RBBP4: variants seen among roughly 807,000 people sequenced by gnomAD.
The protein encoded by RBBP4 is histone-binding protein RBBP4.
In RBBP4, 3 loss-of-function variants were observed where a neutral mutation model predicts 57.2. That is an observed-to-expected ratio of 0.05 (90% CI 0.02 to 0.14). The LOEUF (loss-of-function observed/expected upper bound fraction) is 0.14, where lower values mean the gene tolerates loss of function less well. Ranked by LOEUF, RBBP4 falls within the 10% of genes least tolerant of loss-of-function variation. The pLI is 1.00. For missense variants in RBBP4, 107 were observed against 520.6 expected, an observed-to-expected ratio of 0.21 and a Z score of 7.73; for synonymous variants, 151 against 171.5, an observed-to-expected ratio of 0.88 and a Z score of 0.93.
At chr1:32,664,447 T>G (rs1039994914) in intron 3 of RBBP4, among the ~76,000 whole-genome samples, 3 of 152,140 alleles carry the variant, frequency 2.0e-5, no homozygotes, top group South Asian at 2.1e-4. Flanking sequence ...TATGCTTCTT[T>G]TTTTGTTTGT....
chr1:32,683,877 C>T lies in RBBP4; in HGVS notation c.*4172C>T. 1.2e-6 allele frequency: 1 copy of T among 803,454 alleles called. No individual in the cohort carries two copies. The highest frequency in any genetic ancestry group is 2.6e-5 in the East Asian group (1 of 38,514). 49.8% of individuals were successfully genotyped at this position (803,454 alleles called of 1,614,324 possible). A position where few individuals can be genotyped will look rare whatever the true frequency, so the allele number is the denominator to read the frequency against. ...TGAACTCCTGACTCCAGGTGATCCA[C>T]CCTCCTCAGCCTCCCAAAGTGCTAG... On this transcript the variant is annotated 3_prime_UTR_variant, in exon 12 of 12. Coordinates refer to ENST00000373493, the MANE Select transcript of RBBP4 (RefSeq NM_005610.3).
chr1:32,657,092 A>G lies in RBBP4; in HGVS notation c.165-335A>G, dbSNP rs536356089. 5.3e-5 allele frequency among the ~76,000 whole-genome samples: 8 copies of G among 152,180 alleles called. No individual in the cohort carries two copies. In the East Asian group the frequency reaches 1.2e-3, roughly 22 times the overall value. On this transcript the variant is annotated intron_variant, in intron 2 of 11. Coordinates refer to ENST00000373493, the MANE Select transcript of RBBP4 (RefSeq NM_005610.3). The stretch of plus-strand genomic sequence containing the variant: ...GGCGTTCGAGACCAGCCTGGCCAAC[A>G]TGGTGAAATCCCGTCTCTACTAAAA...
At position 32,669,165 on chromosome 1, in the gene RBBP4, C is replaced by T; in HGVS notation, c.761+33C>T. ...GAATCCATTCAGAGTTTCTAAATAT[C>T]TTGTCTAAGTTTTATGTTTAGTCAC... On this transcript the variant is annotated intron_variant, in intron 6 of 11. Coordinates refer to ENST00000373493, the MANE Select transcript of RBBP4 (RefSeq NM_005610.3). This position sits in a 1 kb window ranked among gnomAD's most constrained non-coding sequence, Gnocchi z 4.9. 8.7e-6 allele frequency: 14 copies of T among 1,612,000 alleles called. No homozygotes were observed. The highest frequency in any genetic ancestry group is 1.2e-5 in the Non-Finnish European group (14 of 1,179,196).
rs1205605699 is a variant in RBBP4, at chr1:32,663,993, CTCG to C, written c.311-4231_311-4229del. ...CCAGGCTGGTATGCAGTGGCGCGAT[CTCG>C]GCCCACTGCAAGCTCCGCCTCCTGG... On this transcript the variant is annotated intron_variant, in intron 3 of 11. Coordinates refer to ENST00000373493, the MANE Select transcript of RBBP4 (RefSeq NM_005610.3). 4.9e-4 allele frequency among the ~76,000 whole-genome samples: 73 copies of C among 150,400 alleles called. 1 individual carries two copies. Among genetic ancestry groups the C allele is most frequent in the African/African-American group, 1.8e-3 (72 of 40,868 alleles).
chr1:32,681,734 C>G lies in RBBP4; in HGVS notation c.*2029C>G. The G allele has an allele frequency of 6.4e-7, 1 of 1,560,102 alleles. No individual in the cohort carries two copies. Among genetic ancestry groups the G allele is most frequent in the African/African-American group, 1.4e-5 (1 of 73,882 alleles). On this transcript the variant is annotated 3_prime_UTR_variant, in exon 12 of 12. Coordinates refer to ENST00000373493, the MANE Select transcript of RBBP4 (RefSeq NM_005610.3). ...TTTGCAACTTCCACAGGATGAATTG[C>G]TTGCCAAGTTTCTGGCACTCTTGTC...
chr1:32,660,812 T>C (rs368297876), intron 3 of RBBP4, among the ~76,000 whole-genome samples: 4 of 151,514 alleles, frequency 2.6e-5, no homozygotes, highest in African/African-American at 7.3e-5. Context: ...AATGATTGAG[T>C]TTTTGTTGTT....
chr1:32,669,152 A>G lies in RBBP4; in HGVS notation c.761+20A>G. 6.2e-7 allele frequency: 1 copy of G among 1,613,056 alleles called. No homozygotes were observed. The highest frequency in any genetic ancestry group is 1.7e-4 in the Middle Eastern group (1 of 6,058). On this transcript the variant is annotated intron_variant, in intron 6 of 11. Transcript: ENST00000373493. This position sits in a 1 kb window ranked among gnomAD's most constrained non-coding sequence, Gnocchi z 4.9. ...TATGATGTGAGTAGAATCCATTCAGAGTTTCTAAATATCTTGTCTAAGTTT... is the reference window on the plus strand; with the variant it reads ...TATGATGTGAGTAGAATCCATTCAGGGTTTCTAAATATCTTGTCTAAGTTT...
At chr1:32,678,591 TTTTTTTTTTTTTTTTTG>T (rs1222691188) in intron 11 of RBBP4, among the ~76,000 whole-genome samples, 1 of 120,264 alleles carries the variant, frequency 8.3e-6, no homozygotes, top group African/African-American at 3.3e-5. Flanking sequence ...TTTTTTTTTT[TTTTTTTTTTTTTTTTTG>T]GCACACAGTC....
At chr1:32,671,611 C>T (rs919032342) in intron 8 of RBBP4, among the ~76,000 whole-genome samples, 2 of 151,902 alleles carry the variant, frequency 1.3e-5, no homozygotes, top group African/African-American at 4.8e-5. Flanking sequence ...ACACCTCCAG[C>T]TACGCAGGAG....
At position 32,668,867 on chromosome 1, in the gene RBBP4, C is replaced by T. The variant is rs536898667; in HGVS notation, c.600+13C>T. ...TTCAGATGACCATGTGTGTATCCTTCCCATTTTGAAGCAAATCTGGGCTAG... is the reference window on the plus strand; with the variant it reads ...TTCAGATGACCATGTGTGTATCCTTTCCATTTTGAAGCAAATCTGGGCTAG... On this transcript the variant is annotated intron_variant, in intron 5 of 11. Transcript: ENST00000373493. The T allele has an allele frequency of 4.3e-6, 7 of 1,613,458 alleles. No individual in the cohort carries two copies. In the African/African-American group the frequency reaches 9.3e-5, roughly 22 times the overall value.
intron 3 of RBBP4, among the ~76,000 whole-genome samples, chr1:32,665,184 G>C (rs967493807): frequency 2.0e-5 from 3 of 152,126 alleles, no homozygotes; most frequent in African/African-American, 7.2e-5. Context: ...ATAGATTGTA[G>C]ATGCTTGTGG....
Position 32,684,213 on chromosome 1 carries a change from C to T in RBBP4, c.*4508C>T. 1 of 1,610,660 alleles carries T rather than the reference C, an allele frequency of 6.2e-7. No individual in the cohort carries two copies. Among genetic ancestry groups the T allele is most frequent in the Non-Finnish European group, 8.5e-7 (1 of 1,177,116 alleles). On this transcript the variant is annotated 3_prime_UTR_variant, in exon 12 of 12. Coordinates refer to ENST00000373493, the MANE Select transcript of RBBP4 (RefSeq NM_005610.3). ...TTTTCCCTAAGCCCTCCCACCATCCCCTCAGCCAGTATTAGATGAGATTTG... is the reference window on the plus strand; with the variant it reads ...TTTTCCCTAAGCCCTCCCACCATCCTCTCAGCCAGTATTAGATGAGATTTG...
chr1:32,658,684 C>T (rs995186907), intron 3 of RBBP4, among the ~76,000 whole-genome samples: 1 of 151,574 alleles, frequency 6.6e-6, no homozygotes, highest in Non-Finnish European at 1.5e-5. Context: ...GCAGCTGGGA[C>T]TACAGGCATG....
intron 3 of RBBP4, among the ~76,000 whole-genome samples, chr1:32,663,814 G>T (rs944528813): frequency 1.3e-5 from 2 of 151,860 alleles, no homozygotes; most frequent in African/African-American, 2.4e-5. Context: ...CTGACCTCGT[G>T]ATCCGCCTGC....
intron 2 of RBBP4, among the ~76,000 whole-genome samples, chr1:32,654,310 C>A (rs1378520985): frequency 1.3e-5 from 2 of 152,104 alleles, no homozygotes; most frequent in African/African-American, 4.8e-5. Context: ...CTTGGGAGGT[C>A]AAGGCTGCAT....
At chr1:32,654,886 G>A (rs1440735007) in intron 2 of RBBP4, among the ~76,000 whole-genome samples, 1 of 152,096 alleles carries the variant, frequency 6.6e-6, no homozygotes, top group African/African-American at 2.4e-5. Context: ...GTAGAGATGG[G>A]GTTTCACCAT....
At position 32,680,318 on chromosome 1, in the gene RBBP4, T is replaced by C; in HGVS notation, c.*613T>C. 1 of 1,333,864 alleles carries C rather than the reference T, an allele frequency of 7.5e-7. No homozygotes were observed. The allele number at this position is 1,333,864 out of a possible 1,614,324, so 82.6% of individuals were successfully genotyped here. ...TCTTGAGCTGTTTTCATGTTGTTTA[T>C]TTCCTGTCTGTGAAATGGTGTTTTT... On this transcript the variant is annotated 3_prime_UTR_variant, in exon 12 of 12. Coordinates refer to ENST00000373493, the MANE Select transcript of RBBP4 (RefSeq NM_005610.3).
chr1:32,673,525 CCTCCCAGGTT>C, intron 11 of RBBP4: 2 of 419,018 alleles, frequency 4.8e-6, no homozygotes, highest in Non-Finnish European at 9.4e-6. Context: ...GCAACTTCCA[CCTCCCAGGTT>C]CGATCGATTC....
At chr1:32,670,737 C>T (rs79922323) in intron 8 of RBBP4, among the ~76,000 whole-genome samples, 2 of 151,922 alleles carry the variant, frequency 1.3e-5, no homozygotes, top group African/African-American at 2.4e-5. Flanking sequence ...CACGCCCAGC[C>T]GAGCCCAAAA....
Sources: gnomAD v4.1 joint callset for allele counts (sites outside exome capture counted in the v4.1 genomes callset) on GRCh38, gnomAD v4.1.1 for gene constraint, Gnocchi (gnomAD v3.1) non-coding constraint, MANE v1.5 for transcripts, NCBI Gene and HGNC (gene_info 2026-07-23, HGNC 2026-07-21) for gene names.